The following TUBGCP4 variants were observed in gnomAD, a reference collection of about 807,000 sequenced individuals.
The protein encoded by TUBGCP4 is tubulin gamma complex component 4, also known as gamma-tubulin complex component 4.
Under a neutral mutation model 91.6 loss-of-function variants are expected in TUBGCP4, and 54 were observed. The ratio of observed to expected loss-of-function variants is 0.59; its 90% confidence interval spans 0.47 to 0.74. TUBGCP4 has a LOEUF of 0.74. Among genes scored for constraint, TUBGCP4 ranks in the 30% least tolerant of loss-of-function variants. The pLI is 0.00. For missense variants in TUBGCP4, 593 were observed against 800.9 expected (o/e 0.74, Z 3.13); for synonymous variants, 297 against 302.8 (o/e 0.98, Z 0.20).
Position 43,404,394 on chromosome 15 carries a change from TG to T in TUBGCP4, c.1849-18del. The T allele has an allele frequency of 6.2e-7, 1 of 1,613,888 alleles. No homozygotes were observed. Among genetic ancestry groups the T allele is most frequent in the Non-Finnish European group, 8.5e-7 (1 of 1,179,850 alleles). On this transcript the variant is annotated intron_variant, in intron 16 of 17. Coordinates refer to ENST00000564079, the MANE Select transcript of TUBGCP4 (RefSeq NM_014444.5). Reference sequence around the variant, plus strand: ...TGGTGAGCTGAAGTGGAATGACAGCTGAGTCCTTCTCTCTGCAGGGCTTTAG... The same window carrying T: ...TGGTGAGCTGAAGTGGAATGACAGCTAGTCCTTCTCTCTGCAGGGCTTTAG...
chr15:43,393,807 T>C (rs2044530247), intron 9 of TUBGCP4, among the ~76,000 whole-genome samples: 1 of 152,180 alleles, frequency 6.6e-6, no homozygotes, highest in Non-Finnish European at 1.5e-5. Context: ...TAGTATTCCA[T>C]GGTGTATATG....
At chr15:43,396,265 T>TA (rs1201811368) in intron 11 of TUBGCP4, among the ~76,000 whole-genome samples, 1 of 152,176 alleles carries the variant, frequency 6.6e-6, no homozygotes, top group East Asian at 1.9e-4. Context: ...TGTTGCAAGT[T>TA]AGAGAATTCT....
Position 43,409,409 on chromosome 15 carries a change from A to G in TUBGCP4, c.*4195A>G, listed in dbSNP as rs2045037506. 5.6e-6 allele frequency: 3 copies of G among 537,882 alleles called. No homozygotes were observed. Among genetic ancestry groups the G allele is most frequent in the Admixed American group, 6.6e-5 (2 of 30,266 alleles). The allele number at this position is 537,882 out of a possible 1,614,324, so 33.3% of individuals were successfully genotyped here. A position where few individuals can be genotyped will look rare whatever the true frequency, so the allele number is the denominator to read the frequency against. ...GTTTCTACTACTAAACATAAACATC[A>G]ATCTTCTTTTGTCCCAGCAACAGAA... On this transcript the variant is annotated 3_prime_UTR_variant, in exon 18 of 18. Transcript: ENST00000564079.
At chr15:43,403,899 T>A in intron 16 of TUBGCP4, 100 bp downstream of exon 16, 2 of 817,484 alleles carry the variant, frequency 2.4e-6, no homozygotes, top group Admixed American at 1.9e-5. Flanking sequence ...AAGCATTTCC[T>A]CAATACACAC....
rs900075602 is a variant in TUBGCP4 at position 43,408,545 on chromosome 15, C to G, written c.*3331C>G. 10 of 310,794 alleles carry G rather than the reference C, an allele frequency of 3.2e-5. No individual in the cohort carries two copies. Among genetic ancestry groups the G allele is most frequent in the African/African-American group, 2.1e-4 (10 of 47,160 alleles). The allele number at this position is 310,794 out of a possible 1,614,324, so 19.3% of individuals were successfully genotyped here. On this transcript the variant is annotated 3_prime_UTR_variant, in exon 18 of 18. Coordinates refer to ENST00000564079, the MANE Select transcript of TUBGCP4 (RefSeq NM_014444.5). ...TTCTTTCTATGAATGATCTGTATTC[C>G]TTGCATTCCTGGCTTTCTAATTTCC...
Position 43,376,521 on chromosome 15 carries a change from C to T in TUBGCP4, c.226C>T (p.Gln76Ter). ...VQQQDHHPSQ[Q>*]GQGGLHGIYL... is the part of the protein sequence containing the mutation. ...ATTTCAGGATCACCATCCATCTCAA[C>T]AGGGCCAAGGTGGGTTACATGGAAT... is the stretch of plus-strand genomic sequence containing the variant. The change falls in exon 3 of 18, where the codon CAG becomes TAG. Residue 76 changes from glutamine (Q) to a stop codon, truncating the protein, a stop_gained. Transcript: ENST00000564079. LOFTEE classifies it high-confidence loss of function. 1 of 1,614,236 alleles carries T rather than the reference C, an allele frequency of 6.2e-7. No individual in the cohort carries two copies. Among genetic ancestry groups the T allele is most frequent in the Non-Finnish European group, 8.5e-7 (1 of 1,180,042 alleles).
intron 9 of TUBGCP4, among the ~76,000 whole-genome samples, chr15:43,392,075 T>TACACACAC (rs3986231): frequency 0.012 from 1,643 of 133,162 alleles, 12 homozygotes; most frequent in Middle Eastern, 0.023. Context: ...AAAATAGAGA[T>TACACACAC]ACACACACAC....
rs61757239 is a variant in TUBGCP4, at chr15:43,409,007, A to G, written c.*3793A>G. On this transcript the variant is annotated 3_prime_UTR_variant, in exon 18 of 18. Transcript: ENST00000564079. The stretch of plus-strand genomic sequence containing the variant: ...TATCATGGACCCAGACATGAGACAC[A>G]CAAGGAATCCCACTGGCAAGGCACA... 2,012 of 1,614,180 alleles carry G rather than the reference A, an allele frequency of 1.2e-3. 4 individuals are homozygous for G. The highest frequency in any genetic ancestry group is 1.5e-3 in the Non-Finnish European group (1,829 of 1,180,028).
At chr15:43,400,023 A>ATC (rs767857746) in intron 13 of TUBGCP4, 21 bp from the exon 14 acceptor site, 1 of 1,589,582 alleles carries the variant, frequency 6.3e-7, no homozygotes, top group South Asian at 1.1e-5. Flanking sequence ...TGTCTTGAAT[A>ATC]TCCTGTTATT....
intron 5 of TUBGCP4, 100 bp downstream of exon 5, chr15:43,378,003 A>G: frequency 2.2e-6 from 2 of 897,444 alleles, no homozygotes; most frequent in South Asian, 1.7e-5. Context: ...AGTTTTTAGT[A>G]GTTTTTATTT....
At position 43,408,787 on chromosome 15, in the gene TUBGCP4, C is replaced by CACAG; in HGVS notation, c.*3577_*3580dup. 1.8e-6 allele frequency: 2 copies of CACAG among 1,105,322 alleles called. No individual in the cohort carries two copies. Among genetic ancestry groups the CACAG allele is most frequent in the South Asian group, 2.9e-5 (2 of 70,114 alleles). The allele number at this position is 1,105,322 out of a possible 1,614,324, so 68.5% of individuals were successfully genotyped here. A position where few individuals can be genotyped will look rare whatever the true frequency, so the allele number is the denominator to read the frequency against. On this transcript the variant is annotated 3_prime_UTR_variant, in exon 18 of 18. Coordinates refer to ENST00000564079, the MANE Select transcript of TUBGCP4 (RefSeq NM_014444.5). The stretch of plus-strand genomic sequence containing the variant: ...ATTTCAAACCCACTCAAATTTATCC[C>CACAG]ACAGACATTCCAATTTCTAGAAAGC...
In TUBGCP4 at chr15:43,386,881, G is replaced by T. The variant is rs190124349; in HGVS notation, c.1014+551G>T. Among the ~76,000 whole-genome samples, 8 of 152,208 alleles carry T rather than the reference G, an allele frequency of 5.3e-5. No homozygotes were observed. The East Asian group carries it at 1.5e-3, about 29-fold the overall frequency. ...AAAGCCTCTGTTTTCATTAACAGAGGCAGAACTGCCTTCCCATTTTCCTAT... is the reference window on the plus strand; with the variant it reads ...AAAGCCTCTGTTTTCATTAACAGAGTCAGAACTGCCTTCCCATTTTCCTAT... On this transcript the variant is annotated intron_variant, in intron 9 of 17. Coordinates refer to ENST00000564079, the MANE Select transcript of TUBGCP4 (RefSeq NM_014444.5).
intron 5 of TUBGCP4, among the ~76,000 whole-genome samples, 154 bp from the exon 6 acceptor site, chr15:43,379,930 T>A (rs949337407): frequency 3.9e-5 from 6 of 152,082 alleles, no homozygotes; most frequent in African/African-American, 1.2e-4. Context: ...GGGAGAGAGG[T>A]CCCTCTTTGA....
intron 12 of TUBGCP4, 33 bp downstream of exon 12, chr15:43,397,354 C>T: frequency 6.7e-7 from 1 of 1,484,510 alleles, no homozygotes; most frequent in Non-Finnish European, 9.4e-7. Context: ...CTTAGAGTTC[C>T]TGCTGGTCAT....
At chr15:43,384,638 T>C (rs1307883737) in intron 7 of TUBGCP4, among the ~76,000 whole-genome samples, 3 of 152,128 alleles carry the variant, frequency 2.0e-5, no homozygotes, top group East Asian at 3.8e-4. Context: ...ACTGTGTAAG[T>C]TGGTACTTGA....
In TUBGCP4 at chr15:43,386,344, CGTATATAT is replaced by C. The variant is rs759308618; in HGVS notation, c.1014+15_1014+22del. 1,335 of 245,574 alleles carry C rather than the reference CGTATATAT, an allele frequency of 5.4e-3. 320 individuals are homozygous for C. Among genetic ancestry groups the C allele is most frequent in the African/African-American group, 0.046 (361 of 7,926 alleles). 15.2% of individuals were successfully genotyped at this position (245,574 alleles called of 1,614,324 possible). ...ACTGTGGCTGAGGTTTGTGTTTCAT[CGTATATAT>C]ATATATATATATATATATATATATA... On this transcript the variant is annotated intron_variant, in intron 9 of 17. Coordinates refer to ENST00000564079, the MANE Select transcript of TUBGCP4 (RefSeq NM_014444.5).
chr15:43,395,337 G>A (rs138902283), intron 10 of TUBGCP4, 180 bp downstream of exon 10: 4 of 723,778 alleles, frequency 5.5e-6, no homozygotes, highest in African/African-American at 1.8e-5. Context: ...CAAAGATTTG[G>A]GAGTGTACTT....
chr15:43,408,725 T>C lies in TUBGCP4; in HGVS notation c.*3511T>C, dbSNP rs147169243. 1.2e-3 allele frequency: 748 copies of C among 639,524 alleles called. 4 individuals are homozygous for C. The African/African-American group carries it at 0.012, about 10-fold the overall frequency. The allele number at this position is 639,524 out of a possible 1,614,324, so 39.6% of individuals were successfully genotyped here. On this transcript the variant is annotated 3_prime_UTR_variant, in exon 18 of 18. Coordinates refer to ENST00000564079, the MANE Select transcript of TUBGCP4 (RefSeq NM_014444.5). ...ATTTGCAAAAGGTTCCTAGCCAATG[T>C]AACCTAGGGAAATAAACTAGATAAA...
chr15:43,371,546 G>A lies in TUBGCP4; in HGVS notation c.78+114G>A, dbSNP rs183612709. The A allele has an allele frequency of 1.9e-3, 1,955 of 1,052,244 alleles. 9 individuals are homozygous for A. Among genetic ancestry groups the A allele is most frequent in the Middle Eastern group, 0.013 (47 of 3,670 alleles). The allele number at this position is 1,052,244 out of a possible 1,614,324, so 65.2% of individuals were successfully genotyped here. The stretch of plus-strand genomic sequence containing the variant: ...GAGCGGGGCTTCCAGGGCTGGGGGC[G>A]TATCCCTGGACAGGTGACTGGAGGG... On this transcript the variant is annotated intron_variant, in intron 1 of 17. Transcript: ENST00000564079.
Sources: allele counts gnomAD v4.1 joint callset (sites outside exome capture counted in the v4.1 genomes callset), GRCh38; gene constraint gnomAD v4.1.1; transcripts MANE v1.5; gene names NCBI Gene and HGNC (gene_info 2026-07-23, HGNC 2026-07-21).